RGS3: variants seen among roughly 807,000 people sequenced by gnomAD.
RGS3 encodes regulator of G-protein signalling 3.
Under a neutral mutation model 132.6 loss-of-function variants are expected in RGS3, and 80 were observed. The ratio of observed to expected loss-of-function variants is 0.60; its 90% CI spans 0.50 to 0.73. RGS3 has a LOEUF of 0.73. Ranked by LOEUF, RGS3 falls within the 30% of genes least tolerant of loss-of-function variation. The pLI is 0.00. For synonymous variants in RGS3, 598 were observed against 620.6 expected (o/e 0.96, Z 0.54); for missense variants, 1,382 against 1,530.8 (o/e 0.90, Z 1.62).
At chr9:113,466,965 G>A (rs1197289874) in intron 3 of RGS3, among the ~76,000 whole-genome samples, 1 of 152,010 alleles carries the variant, frequency 6.6e-6, no homozygotes, top group African/African-American at 2.4e-5. Context: ...CATATAAATG[G>A]AATCGTATTT....
At chr9:113,562,304 C>T (rs1190923438) in intron 19 of RGS3, among the ~76,000 whole-genome samples, 1 of 152,006 alleles carries the variant, frequency 6.6e-6, no homozygotes, top group Non-Finnish European at 1.5e-5. Context: ...GGTGAAACCC[C>T]ACCTCTACTA....
intron 19 of RGS3, chr9:113,583,052 C>T (rs952044595): frequency 1.3e-5 from 3 of 236,542 alleles, no homozygotes; most frequent in Non-Finnish European, 2.5e-5. Context: ...TCTCCTTTAT[C>T]CCCAGAGGCA....
intron 19 of RGS3, among the ~76,000 whole-genome samples, chr9:113,569,863 T>G (rs1834207400): frequency 6.6e-6 from 1 of 152,102 alleles, no homozygotes; most frequent in Admixed American, 6.5e-5. Flanking sequence ...CAGCAAAGCT[T>G]CCTACAAGAG....
chr9:113,467,640 T>C (rs1460111411), intron 3 of RGS3, among the ~76,000 whole-genome samples: 1 of 152,224 alleles, frequency 6.6e-6, no homozygotes, highest in African/African-American at 2.4e-5. Flanking sequence ...CCTTAACCGA[T>C]ATATGATTTG....
At position 113,462,673 on chromosome 9, in the gene RGS3, C is replaced by T. The variant is rs191800172; in HGVS notation, c.415+472C>T. ...TGGGGCTAATACTTATTAGACTTAC[C>T]GTGAAGATTAACTGAGATGATGTGT... On this transcript the variant is annotated intron_variant, in intron 3 of 24. Coordinates refer to ENST00000350696, the Ensembl canonical transcript of RGS3. 3.9e-5 allele frequency among the ~76,000 whole-genome samples: 6 copies of T among 152,232 alleles called. No homozygotes were observed. In the East Asian group the frequency reaches 9.7e-4, roughly 25 times the overall value.
chr9:113,479,441 A>G, intron 3 of RGS3, 50 bp from the exon 2 acceptor site: 1 of 1,584,808 alleles, frequency 6.3e-7, no homozygotes, highest in South Asian at 1.1e-5. Flanking sequence ...TTTTTCCACC[A>G]CACCCACCAG....
At chr9:113,461,631 C>A in intron 1 of RGS3, 2 of 1,450,802 alleles carry the variant, frequency 1.4e-6, no homozygotes, top group Non-Finnish European at 1.9e-6. Flanking sequence ...AGGAGGGGAC[C>A]TACAAAGCAG....
intron 7 of RGS3, among the ~76,000 whole-genome samples, chr9:113,490,379 G>A (rs926510722): frequency 3.3e-5 from 5 of 151,088 alleles, no homozygotes; most frequent in Non-Finnish European, 5.9e-5. Flanking sequence ...TCATCTCATC[G>A]GTATATATTT....
chr9:113,475,289 C>T, intron 3 of RGS3, among the ~76,000 whole-genome samples: 1 of 152,146 alleles, frequency 6.6e-6, no homozygotes, highest in East Asian at 1.9e-4. Flanking sequence ...AGGCCCTGCC[C>T]AACCTCGATG....
chr9:113,466,926 C>T (rs112444105), intron 3 of RGS3, among the ~76,000 whole-genome samples: 3 of 152,272 alleles, frequency 2.0e-5, no homozygotes, highest in African/African-American at 7.2e-5. Flanking sequence ...TATTCTCTCC[C>T]TCTGTAGATT....
chr9:113,454,221 G>C (rs1032164109), intron 1 of RGS3, among the ~76,000 whole-genome samples: 1 of 152,050 alleles, frequency 6.6e-6, no homozygotes, highest in Admixed American at 6.6e-5. Flanking sequence ...TTAGATACCA[G>C]ATTTAACAAA....
chr9:113,594,311 A>G, intron 21 of RGS3, 119 bp from the exon 20 acceptor site: 1 of 1,593,372 alleles, frequency 6.3e-7, no homozygotes, highest in Non-Finnish European at 8.6e-7. Context: ...CGCAACGGGA[A>G]CCTGCAGAGG....
chr9:113,468,575 T>C (rs1327279953), intron 3 of RGS3, among the ~76,000 whole-genome samples: 1 of 152,182 alleles, frequency 6.6e-6, no homozygotes, highest in Non-Finnish European at 1.5e-5. Flanking sequence ...TAATATTTTA[T>C]ATAGAAAATA....
At position 113,517,531 on chromosome 9, in the gene RGS3, T is replaced by C; in HGVS notation, c.1675-10T>C. On this transcript the variant is annotated splice_polypyrimidine_tract_variant and intron_variant, in intron 15 of 24. Transcript: ENST00000350696. ...TTTTGAACTGCCCACTCAGCCTGCT[T>C]TATTTCCAGCCTCTAGATCTCTGTA... 6.2e-7 allele frequency: 1 copy of C among 1,612,456 alleles called. No individual in the cohort carries two copies. The highest frequency in any genetic ancestry group is 8.5e-7 in the Non-Finnish European group (1 of 1,179,606).
intron 19 of RGS3, among the ~76,000 whole-genome samples, chr9:113,556,632 C>T (rs1833576500): frequency 6.6e-6 from 1 of 152,180 alleles, no homozygotes; most frequent in Non-Finnish European, 1.5e-5. Flanking sequence ...ATACTCCCTG[C>T]CTGTCGGGTC....
chr9:113,499,927 G>A (rs1387931428), intron 10 of RGS3, among the ~76,000 whole-genome samples: 2 of 152,182 alleles, frequency 1.3e-5, no homozygotes, highest in Non-Finnish European at 2.9e-5. Context: ...CTTTCCTCTG[G>A]CTTCTGTGGG....
chr9:113,572,717 G>A (rs1005163802), intron 19 of RGS3, among the ~76,000 whole-genome samples: 2 of 152,258 alleles, frequency 1.3e-5, no homozygotes, highest in Admixed American at 1.3e-4. Context: ...GATCTTTCTA[G>A]GCTAGCTGAG....
At chr9:113,504,313 C>T (rs1831037123) in intron 10 of RGS3, among the ~76,000 whole-genome samples, 1 of 152,232 alleles carries the variant, frequency 6.6e-6, no homozygotes, top group Non-Finnish European at 1.5e-5. Context: ...CTGTGCCTCA[C>T]CAGGGCCCAC....
At chr9:113,563,004 C>G (rs577834917) in intron 19 of RGS3, among the ~76,000 whole-genome samples, 42 of 152,336 alleles carry the variant, frequency 2.8e-4, no homozygotes, top group South Asian at 1.0e-3. Flanking sequence ...GTGTCTGGAG[C>G]TATGGGAGGC....
Sources: allele counts gnomAD v4.1 joint callset (sites outside exome capture counted in the v4.1 genomes callset), GRCh38; gene constraint gnomAD v4.1.1; transcripts MANE v1.5; gene names NCBI Gene and HGNC (gene_info 2026-07-23, HGNC 2026-07-21).